The following NRXN3 variants were observed in gnomAD, a reference collection of about 807,000 sequenced individuals.
NRXN3 encodes neurexin III.
A neutral mutation model predicts 137.6 loss-of-function variants in NRXN3; 32 were observed. That is an observed-to-expected ratio of 0.23 (90% CI 0.18 to 0.31). The LOEUF is 0.31. NRXN3 is among the 10% of genes least tolerant of loss of function. The pLI is 1.00. For synonymous variants in NRXN3, 798 were observed against 784.5 expected (o/e 1.02, Z -0.29); for missense variants, 1,574 against 2,062.5 (o/e 0.76, Z 4.59).
chr14:79,496,529 A>T (rs567037200), intron 16 of NRXN3, among the ~76,000 whole-genome samples: 2 of 152,338 alleles, frequency 1.3e-5, no homozygotes, highest in South Asian at 2.1e-4. Context: ...CATTATGAAC[A>T]TCAGTGATCA....
intron 16 of NRXN3, among the ~76,000 whole-genome samples, chr14:79,555,176 C>A (rs2097417199): frequency 6.6e-6 from 1 of 151,830 alleles, no homozygotes; most frequent in Non-Finnish European, 1.5e-5. Context: ...TTGCTGAGAT[C>A]TGAATGGGTG....
intron 6 of NRXN3, among the ~76,000 whole-genome samples, chr14:78,706,260 G>A (rs991809161): frequency 1.1e-4 from 16 of 152,152 alleles, no homozygotes; most frequent in African/African-American, 3.9e-4. Flanking sequence ...ACATGCTAAG[G>A]TATAATAGTG....
intron 4 of NRXN3, among the ~76,000 whole-genome samples, chr14:78,524,041 T>C (rs993671480): frequency 5.3e-5 from 8 of 152,108 alleles, no homozygotes; most frequent in Non-Finnish European, 8.8e-5. Context: ...AAGTAAATCA[T>C]CCATAGATTT....
chr14:78,796,751 G>A (rs2098823181), intron 8 of NRXN3, among the ~76,000 whole-genome samples: 1 of 152,156 alleles, frequency 6.6e-6, no homozygotes, highest in Non-Finnish European at 1.5e-5. Flanking sequence ...GCCTCATCCA[G>A]GAGGAAGAGT....
intron 15 of NRXN3, among the ~76,000 whole-genome samples, chr14:79,030,980 G>T (rs1467171783): frequency 6.6e-6 from 1 of 151,934 alleles, no homozygotes; most frequent in Non-Finnish European, 1.5e-5. Context: ...ATAGCGATAT[G>T]TTGTTATGAC....
At chr14:79,580,165 T>C (rs1362135665) in intron 16 of NRXN3, among the ~76,000 whole-genome samples, 2 of 152,180 alleles carry the variant, frequency 1.3e-5, no homozygotes, top group African/African-American at 4.8e-5. Flanking sequence ...ATATATCACA[T>C]ATTTTCCTTA....
chr14:79,598,320 T>C (rs2153830997), intron 16 of NRXN3, among the ~76,000 whole-genome samples: 1 of 152,312 alleles, frequency 6.6e-6, no homozygotes, highest in East Asian at 1.9e-4. Flanking sequence ...ATCAGTTTGC[T>C]ACAAAGAACA....
chr14:79,447,642 C>A (rs1351438053), intron 15 of NRXN3, among the ~76,000 whole-genome samples: 2 of 152,210 alleles, frequency 1.3e-5, no homozygotes, highest in African/African-American at 4.8e-5. Flanking sequence ...TAGAACCCAT[C>A]TGATGATGAA....
chr14:78,824,678 C>T (rs1044840361), intron 10 of NRXN3, among the ~76,000 whole-genome samples: 2 of 151,918 alleles, frequency 1.3e-5, no homozygotes, highest in Non-Finnish European at 2.9e-5. Flanking sequence ...TTTTAGAAAC[C>T]CTTATTAAAT....
intron 1 of NRXN3, among the ~76,000 whole-genome samples, chr14:78,194,618 TG>T (rs1305838337): frequency 6.6e-6 from 1 of 152,002 alleles, no homozygotes; most frequent in Non-Finnish European, 1.5e-5. Context: ...CCTAGGGCCT[TG>T]GGAAGAGTGG....
chr14:79,482,932 A>C (rs554122873), intron 16 of NRXN3, among the ~76,000 whole-genome samples: 1 of 152,350 alleles, frequency 6.6e-6, no homozygotes, highest in East Asian at 1.9e-4. Context: ...GAATGCTAGA[A>C]GAAACAGAAT....
rs1344440613 is a variant in NRXN3, at chr14:79,868,003, C to A, written c.*6039C>A. The A allele has an allele frequency of 1.3e-5, 2 of 151,860 alleles. No homozygotes were observed. Among genetic ancestry groups the A allele is most frequent in the Admixed American group, 1.3e-4 (2 of 15,240 alleles). 9.4% of individuals were successfully genotyped at this position (151,860 alleles called of 1,614,324 possible). On this transcript the variant is annotated 3_prime_UTR_variant, in exon 21 of 21. Transcript: ENST00000335750. ...TTACATGGGTTCTAGAGTCAAAATG[C>A]CATGGCTCATCTGGTACTGTAACTT...
chr14:79,394,893 T>C (rs375004015), intron 15 of NRXN3, among the ~76,000 whole-genome samples: 1 of 152,164 alleles, frequency 6.6e-6, no homozygotes, highest in East Asian at 1.9e-4. Context: ...ACCTGGTAAA[T>C]TGCTGAGCTG....
intron 10 of NRXN3, among the ~76,000 whole-genome samples, chr14:78,890,977 C>T (rs778834544): frequency 2.0e-5 from 3 of 151,906 alleles, no homozygotes; most frequent in Non-Finnish European, 4.4e-5. Flanking sequence ...AAAAGTAAGG[C>T]ACCAACGGTA....
chr14:78,340,887 G>A (rs1338174391), intron 4 of NRXN3, among the ~76,000 whole-genome samples: 1 of 152,234 alleles, frequency 6.6e-6, no homozygotes, highest in Middle Eastern at 3.4e-3. Context: ...TAGGAAGTAA[G>A]TACTTTTATA....
chr14:79,566,003 TCCC>T (rs1398438620), intron 16 of NRXN3, among the ~76,000 whole-genome samples: 1 of 151,710 alleles, frequency 6.6e-6, no homozygotes, highest in Non-Finnish European at 1.5e-5. Flanking sequence ...TGGATTATTT[TCCC>T]CCACTTCAGC....
At chr14:78,737,018 G>T (rs1227579716) in intron 8 of NRXN3, among the ~76,000 whole-genome samples, 1 of 152,118 alleles carries the variant, frequency 6.6e-6, no homozygotes, top group Non-Finnish European at 1.5e-5. Context: ...TTAGCACTTG[G>T]TATATCCTCT....
chr14:78,952,985 C>T (rs2152953394), intron 10 of NRXN3, among the ~76,000 whole-genome samples: 1 of 152,220 alleles, frequency 6.6e-6, no homozygotes, highest in Non-Finnish European at 1.5e-5. Context: ...GTTGGTTTGG[C>T]CAGGTCTTAG....
At chr14:79,569,363 A>G (rs1281011644) in intron 16 of NRXN3, among the ~76,000 whole-genome samples, 1 of 152,100 alleles carries the variant, frequency 6.6e-6, no homozygotes, top group African/African-American at 2.4e-5. Flanking sequence ...AACTCTTTGA[A>G]AACATCTTCC....
Sources: gnomAD v4.1 joint callset for allele counts (sites outside exome capture counted in the v4.1 genomes callset) on GRCh38, gnomAD v4.1.1 for gene constraint, MANE v1.5 for transcripts, NCBI Gene and HGNC (gene_info 2026-07-23, HGNC 2026-07-21) for gene names.